APPBP2: variants seen among roughly 807,000 people sequenced by gnomAD.
The protein encoded by APPBP2 is amyloid protein-binding protein 2.
A neutral mutation model predicts 76.0 loss-of-function variants in APPBP2; 15 were observed. The observed-to-expected ratio is 0.20, with a 90% CI of 0.13 to 0.30. APPBP2 has a LOEUF of 0.30. APPBP2 is among the 10% of genes least tolerant of loss of function. The pLI is 1.00. For missense variants in APPBP2, 401 were observed against 687.2 expected, an observed-to-expected ratio of 0.58 and a Z score of 4.66; for synonymous variants, 222 against 242.2, an observed-to-expected ratio of 0.92 and a Z score of 0.77.
Position 60,461,891 on chromosome 17 carries a change from T to C in APPBP2, c.855A>G (p.Pro285=). The change falls in exon 8 of 13, where the codon CCA becomes CCG. Residue 285 remains proline, a synonymous_variant. Coordinates refer to ENST00000083182, the MANE Select transcript of APPBP2 (RefSeq NM_006380.5). ...AATCTAGCAGTGTATCAGAATATTT[T>C]GGGTGTTTGGATCCAAAATGATCCC... ...LARDHFGSKH[P]KYSDTLLDYG... The C allele has an allele frequency of 1.9e-6, 3 of 1,613,412 alleles. No homozygotes were observed. The highest frequency in any genetic ancestry group is 2.5e-6 in the Non-Finnish European group (3 of 1,179,650).
rs1341077966 is a variant in APPBP2, at chr17:60,444,418, C to T, written c.*3163G>A. The T allele has an allele frequency of 6.6e-6, 1 of 152,146 alleles. No homozygotes were observed. Among genetic ancestry groups the T allele is most frequent in the Non-Finnish European group, 1.5e-5 (1 of 68,030 alleles). The allele number at this position is 152,146 out of a possible 1,614,324, so 9.4% of individuals were successfully genotyped here. ...TTTGGCATGTGTTCACTGCAGTTTT[C>T]TGTCTGCACTATTAAGGAGCAGCCA... On this transcript the variant is annotated 3_prime_UTR_variant, in exon 13 of 13. Transcript: ENST00000083182.
chr17:60,505,377 A>G (rs1350875760), intron 1 of APPBP2, among the ~76,000 whole-genome samples: 3 of 152,244 alleles, frequency 2.0e-5, no homozygotes, highest in African/African-American at 7.2e-5. Flanking sequence ...GTGCAGTGGC[A>G]CGATCTTGGC....
intron 2 of APPBP2, among the ~76,000 whole-genome samples, chr17:60,495,528 G>A (rs1168727519): frequency 6.6e-6 from 1 of 151,458 alleles, no homozygotes; most frequent in Non-Finnish European, 1.5e-5. Context: ...CTGGAGAGAA[G>A]TGGCATGATC....
chr17:60,490,147 T>C (rs1209554837), intron 3 of APPBP2, among the ~76,000 whole-genome samples: 1 of 152,148 alleles, frequency 6.6e-6, no homozygotes, highest in African/African-American at 2.4e-5. Flanking sequence ...CGACTCTACA[T>C]GGAATCCACC....
rs1189000358 is a variant in APPBP2 at position 60,521,687 on chromosome 17, G to T, written c.138+4107C>A. Among the ~76,000 whole-genome samples, 3 of 152,292 alleles carry T rather than the reference G, an allele frequency of 2.0e-5. No homozygotes were observed. In the East Asian group the frequency reaches 5.8e-4, roughly 29 times the overall value. Reference sequence around the variant, plus strand: ...CCACCTCTGTCTCCCTAAGAGCTGGGATTACAGGCATGAGCCACTGCACCT... The same window carrying T: ...CCACCTCTGTCTCCCTAAGAGCTGGTATTACAGGCATGAGCCACTGCACCT... On this transcript the variant is annotated intron_variant, in intron 1 of 12. Transcript: ENST00000083182.
chr17:60,494,318 ATG>A (rs2143432644), intron 3 of APPBP2, 146 bp downstream of exon 3: 1 of 723,164 alleles, frequency 1.4e-6, no homozygotes, highest in South Asian at 2.0e-5. Context: ...GTATAGTATA[ATG>A]CTTTGGCATG....
intron 9 of APPBP2, chr17:60,460,436 C>T: frequency 3.8e-6 from 1 of 266,366 alleles, no homozygotes; most frequent in Non-Finnish European, 6.8e-6. Context: ...CTCAGCCTCC[C>T]AAAGTGCTGG....
chr17:60,502,625 G>C (rs1382115446), intron 1 of APPBP2, among the ~76,000 whole-genome samples: 1 of 146,584 alleles, frequency 6.8e-6, no homozygotes, highest in Non-Finnish European at 1.5e-5. Flanking sequence ...AGGCCAAGGG[G>C]GGGTGGATCA....
chr17:60,522,858 A>G (rs565909024), intron 1 of APPBP2, among the ~76,000 whole-genome samples: 1 of 149,678 alleles, frequency 6.7e-6, no homozygotes, highest in Non-Finnish European at 1.5e-5. Context: ...AGTGTCTTCC[A>G]TTCTTTTTTT....
intron 1 of APPBP2, among the ~76,000 whole-genome samples, chr17:60,502,365 G>A (rs16969207): frequency 0.082 from 12,467 of 152,164 alleles, 1,675 homozygotes; most frequent in African/African-American, 0.28. Context: ...CTCAGGGAAA[G>A]TAAAGCTGAG....
At chr17:60,463,867 C>T (rs1387374143) in intron 6 of APPBP2, among the ~76,000 whole-genome samples, 154 bp downstream of exon 6, 2 of 152,118 alleles carry the variant, frequency 1.3e-5, no homozygotes, top group Non-Finnish European at 2.9e-5. Context: ...TAGTTAGAAA[C>T]CAGATTTCTA....
At chr17:60,449,612 CA>C (rs34903661) in intron 12 of APPBP2, among the ~76,000 whole-genome samples, 6 of 150,462 alleles carry the variant, frequency 4.0e-5, no homozygotes, top group Non-Finnish European at 7.4e-5. Flanking sequence ...AAAACAAAAC[CA>C]AAAAAAAGTC....
At chr17:60,457,685 C>A (rs1377021675) in intron 9 of APPBP2, among the ~76,000 whole-genome samples, 1 of 152,226 alleles carries the variant, frequency 6.6e-6, no homozygotes, top group Admixed American at 6.5e-5. Context: ...CCACCCTGGC[C>A]TCCTAAAGTG....
At chr17:60,519,756 A>G (rs1317161720) in intron 1 of APPBP2, among the ~76,000 whole-genome samples, 2 of 150,190 alleles carry the variant, frequency 1.3e-5, no homozygotes, top group African/African-American at 2.5e-5. Context: ...TGATACTTTT[A>G]TAATTTTAGT....
intron 1 of APPBP2, among the ~76,000 whole-genome samples, chr17:60,512,192 T>A (rs1487890383): frequency 6.6e-6 from 1 of 151,672 alleles, no homozygotes; most frequent in Non-Finnish European, 1.5e-5. Flanking sequence ...AAGCTCTGCT[T>A]CCCGGGTTCA....
intron 4 of APPBP2, among the ~76,000 whole-genome samples, chr17:60,475,686 C>CAT (rs1315551078): frequency 2.0e-5 from 3 of 151,372 alleles, no homozygotes; most frequent in African/African-American, 7.3e-5. Context: ...CACACACACA[C>CAT]ACACGCTCCC....
intron 1 of APPBP2, among the ~76,000 whole-genome samples, chr17:60,512,188 T>C (rs8070687): frequency 0.08 from 12,166 of 151,344 alleles, 1,635 homozygotes; most frequent in African/African-American, 0.28. Flanking sequence ...CTGCAAGCTC[T>C]GCTTCCCGGG....
intron 1 of APPBP2, among the ~76,000 whole-genome samples, chr17:60,510,195 G>A (rs570101052): frequency 1.3e-5 from 2 of 152,148 alleles, no homozygotes; most frequent in East Asian, 3.9e-4. Context: ...TTGAGACCAG[G>A]AGTTTGAGAC....
At chr17:60,471,215 T>A (rs1301624283) in intron 4 of APPBP2, among the ~76,000 whole-genome samples, 1 of 152,206 alleles carries the variant, frequency 6.6e-6, no homozygotes, top group Non-Finnish European at 1.5e-5. Flanking sequence ...CTTTTTATTT[T>A]CTTGATGTTT....
Sources: allele counts gnomAD v4.1 joint callset (sites outside exome capture counted in the v4.1 genomes callset), GRCh38; gene constraint gnomAD v4.1.1; transcripts MANE v1.5; gene names NCBI Gene and HGNC (gene_info 2026-07-23, HGNC 2026-07-21).